SBF2: variants seen among roughly 807,000 people sequenced by gnomAD.
The protein encoded by SBF2 is SET binding factor 2.
A neutral mutation model predicts 225.2 loss-of-function variants in SBF2; 112 were observed. The ratio of observed to expected loss-of-function variants is 0.50; its 90% CI spans 0.43 to 0.58. SBF2 has a LOEUF of 0.58. Ranked by LOEUF, SBF2 falls within the 20% of genes least tolerant of loss-of-function variation. The pLI, the probability that SBF2 is intolerant of heterozygous loss-of-function variation, is 0.00. For missense variants in SBF2, 1,996 were observed against 2,206.2 expected (o/e 0.90, Z 1.91); for synonymous variants, 763 against 773.3 (o/e 0.99, Z 0.22).
intron 1 of SBF2, among the ~76,000 whole-genome samples, chr11:10,268,576 A>G (rs748758785): frequency 9.2e-5 from 14 of 152,224 alleles, no homozygotes; most frequent in Admixed American, 3.3e-4. Context: ...TCAGTCTGTT[A>G]GGAAAATCAC....
chr11:10,217,567 A>C (rs980744586), intron 1 of SBF2, among the ~76,000 whole-genome samples: 4 of 152,174 alleles, frequency 2.6e-5, no homozygotes, highest in Non-Finnish European at 2.9e-5. Flanking sequence ...TCTATTTATT[A>C]GTTCTAAAGT....
At chr11:10,026,164 C>T (rs1949047819) in intron 6 of SBF2, among the ~76,000 whole-genome samples, 1 of 151,878 alleles carries the variant, frequency 6.6e-6, no homozygotes. Flanking sequence ...CAACCTCCTC[C>T]TCTCCTCCCC....
At chr11:10,172,644 C>A (rs553902446) in intron 2 of SBF2, among the ~76,000 whole-genome samples, 1 of 152,076 alleles carries the variant, frequency 6.6e-6, no homozygotes. Flanking sequence ...TGAGCCACCA[C>A]GCCTGGCCAA....
At chr11:10,141,423 C>T (rs1019114850) in intron 2 of SBF2, among the ~76,000 whole-genome samples, 44 of 152,160 alleles carry the variant, frequency 2.9e-4, no homozygotes, top group African/African-American at 1.1e-3. Context: ...GAGGCCATCT[C>T]CCCCTCTCTC....
At position 10,242,033 on chromosome 11, in the gene SBF2, C is replaced by T. The variant is rs376930246; in HGVS notation, c.56-48046G>A. On this transcript the variant is annotated intron_variant, in intron 1 of 39. Transcript: ENST00000256190. ...AGACCCTAGGACCTAACATGCCTGC[C>T]CACAGACACAAAGGCAGGTGTGTTA... Among the ~76,000 whole-genome samples the T allele has an allele frequency of 3.5e-4, 53 of 151,514 alleles. No individual in the cohort carries two copies. In the South Asian group the frequency reaches 0.011, roughly 30 times the overall value.
chr11:10,055,750 C>T lies in SBF2; in HGVS notation c.142-12769G>A, dbSNP rs1285634533. Among the ~76,000 whole-genome samples, 7 of 152,156 alleles carry T rather than the reference C, an allele frequency of 4.6e-5. 1 individual carries two copies. Among genetic ancestry groups the T allele is most frequent in the Non-Finnish European group, 2.9e-5 (2 of 67,998 alleles). The stretch of plus-strand genomic sequence containing the variant: ...TATGCAAGGGCATACAGTGGTATAA[C>T]GGACAATAGAGTCCCAGAAGTGGGG... On this transcript the variant is annotated intron_variant, in intron 2 of 39. Transcript: ENST00000256190.
intron 1 of SBF2, among the ~76,000 whole-genome samples, chr11:10,267,456 T>A (rs1163431513): frequency 1.3e-5 from 2 of 151,642 alleles, no homozygotes; most frequent in African/African-American, 4.9e-5. Context: ...TGTGAGAAAA[T>A]TTTGAGGGAA....
At chr11:9,910,702 T>TA (rs201982974) in intron 16 of SBF2, among the ~76,000 whole-genome samples, 1,773 of 148,578 alleles carry the variant, frequency 0.012, 57 homozygotes, top group Admixed American at 0.054. Flanking sequence ...GTTTAAAAAG[T>TA]AAAAAAAAAA....
At chr11:9,942,438 C>G (rs980241821) in intron 16 of SBF2, among the ~76,000 whole-genome samples, 1 of 152,144 alleles carries the variant, frequency 6.6e-6, no homozygotes, top group Non-Finnish European at 1.5e-5. Context: ...TCAATTCTTC[C>G]TACATTAATC....
rs144970897 is a variant in SBF2, at chr11:10,098,720, C to CACACAT, written c.142-55740_142-55739insATGTGT. Among the ~76,000 whole-genome samples the CACACAT allele has an allele frequency of 3.2e-3, 447 of 140,356 alleles. 5 individuals are homozygous for CACACAT. The highest frequency in any genetic ancestry group is 0.011 in the African/African-American group (399 of 37,654). The allele number at this position is 140,356 out of a possible 152,430, so 92.1% of individuals were successfully genotyped here. On this transcript the variant is annotated intron_variant, in intron 2 of 39. Coordinates refer to ENST00000256190, the MANE Select transcript of SBF2 (RefSeq NM_030962.4). The stretch of plus-strand genomic sequence containing the variant: ...ACACACACACACACACACACACACA[C>CACACAT]GAAATTCTGGAGCTGAAGAACACCA...
At chr11:9,858,171 C>T (rs1342481508) in intron 18 of SBF2, 55 bp downstream of exon 18, 26 of 1,605,104 alleles carry the variant, frequency 1.6e-5, no homozygotes, top group Non-Finnish European at 2.2e-5. Context: ...CATCTGCTTT[C>T]CTTAAAGCCA....
chr11:9,780,078 C>T lies in SBF2; in HGVS notation c.*340G>A. The stretch of plus-strand genomic sequence containing the variant: ...ATGACCTCAGAGAACAAAAAAGGAT[C>T]TATAGCTTTCATGAAGAAGGACCCA... On this transcript the variant is annotated 3_prime_UTR_variant, in exon 40 of 40. Transcript: ENST00000256190. The T allele has an allele frequency of 2.9e-6, 1 of 349,344 alleles. No individual in the cohort carries two copies. The highest frequency in any genetic ancestry group is 2.6e-5 in the South Asian group (1 of 38,064). The allele number at this position is 349,344 out of a possible 1,614,324, so 21.6% of individuals were successfully genotyped here.
chr11:9,951,709 T>C (rs911364892), intron 16 of SBF2, among the ~76,000 whole-genome samples: 1 of 152,210 alleles, frequency 6.6e-6, no homozygotes, highest in Non-Finnish European at 1.5e-5. Context: ...TGAGATTATC[T>C]GAGGCAGTAC....
chr11:10,258,081 T>TACACACAC (rs57653852), intron 1 of SBF2, among the ~76,000 whole-genome samples: 10,105 of 138,838 alleles, frequency 0.073, 382 homozygotes, highest in Middle Eastern at 0.11. Context: ...TACACACACA[T>TACACACAC]ACACACACAC....
At chr11:9,980,558 C>CCACT (rs1946909251) in intron 13 of SBF2, among the ~76,000 whole-genome samples, 1 of 151,932 alleles carries the variant, frequency 6.6e-6, no homozygotes, top group Admixed American at 6.6e-5. Flanking sequence ...TTATAATGAA[C>CCACT]CACTAGCAAT....
chr11:9,831,234 A>G (rs1347784157), intron 27 of SBF2, among the ~76,000 whole-genome samples: 1 of 152,168 alleles, frequency 6.6e-6, no homozygotes, highest in Admixed American at 6.5e-5. Context: ...CCTGGGCGCA[A>G]GCAATCCTCC....
chr11:10,055,580 T>C (rs1386336536), intron 2 of SBF2, among the ~76,000 whole-genome samples: 1 of 146,640 alleles, frequency 6.8e-6, no homozygotes, highest in African/African-American at 2.5e-5. Context: ...CACCATGGAA[T>C]ACTACTAACT....
chr11:10,085,834 C>T (rs774920363), intron 2 of SBF2, among the ~76,000 whole-genome samples: 15 of 152,060 alleles, frequency 9.9e-5, no homozygotes, highest in Non-Finnish European at 2.1e-4. Flanking sequence ...TCTTGACCCT[C>T]CTGTCCCCAG....
At chr11:10,298,775 G>C (rs1221123001), upstream of SBF2, among the ~76,000 whole-genome samples, 1 of 152,120 alleles carries the variant, frequency 6.6e-6, no homozygotes, top group African/African-American at 2.4e-5. Context: ...CAGTCCTATT[G>C]TTCCTACTTC....
Sources: gnomAD v4.1 joint callset for allele counts (sites outside exome capture counted in the v4.1 genomes callset) on GRCh38, gnomAD v4.1.1 for gene constraint, MANE v1.5 for transcripts, NCBI Gene and HGNC (gene_info 2026-07-23, HGNC 2026-07-21) for gene names.